CTNNA2: variants seen among roughly 807,000 people sequenced by gnomAD.
CTNNA2 encodes the protein catenin alpha-2.
In CTNNA2, 42 loss-of-function variants were observed where a neutral mutation model predicts 101.0. The observed-to-expected ratio is 0.42, with a 90% CI of 0.32 to 0.54. The LOEUF (loss-of-function observed/expected upper bound fraction) is 0.54, where lower values mean the gene tolerates loss of function less well. Among genes scored for constraint, CTNNA2 ranks in the 20% least tolerant of loss-of-function variants. The probability of loss-of-function intolerance (pLI) is 0.14; values close to 1 mark genes in which losing one functional copy is unlikely to be tolerated. For synonymous variants in CTNNA2, 450 were observed against 456.4 expected (o/e 0.99, Z 0.18); for missense variants, 871 against 1,223.1 (o/e 0.71, Z 4.29).
At chr2:79,844,034 GA>G (rs1312460329) in intron 3 of CTNNA2, among the ~76,000 whole-genome samples, 20 of 152,166 alleles carry the variant, frequency 1.3e-4, no homozygotes, top group Non-Finnish European at 2.9e-4. Flanking sequence ...AATTTGTAGT[GA>G]AAAATATATT....
chr2:79,446,369 A>G (rs1353473568), intron 4 of CTNNA2, among the ~76,000 whole-genome samples: 1 of 152,116 alleles, frequency 6.6e-6, no homozygotes, highest in Non-Finnish European at 1.5e-5. Flanking sequence ...TTGTTTTACC[A>G]GTATTTAGAA....
chr2:80,434,184 C>T (rs771145184), intron 9 of CTNNA2, among the ~76,000 whole-genome samples: 4 of 152,114 alleles, frequency 2.6e-5, no homozygotes, highest in African/African-American at 4.8e-5. Flanking sequence ...AGAACTTTAG[C>T]GTGAAATGAC....
chr2:79,424,301 G>GA (rs949525701), intron 4 of CTNNA2, among the ~76,000 whole-genome samples: 10 of 152,052 alleles, frequency 6.6e-5, no homozygotes, highest in African/African-American at 1.9e-4. Flanking sequence ...GTTTTCTTCA[G>GA]AAAAAACATT....
At chr2:80,568,855 G>T (rs1694302131) in intron 12 of CTNNA2, among the ~76,000 whole-genome samples, 1 of 152,320 alleles carries the variant, frequency 6.6e-6, no homozygotes, top group South Asian at 2.1e-4. Flanking sequence ...TTGAGAATAT[G>T]TGGTAATAAG....
At chr2:79,409,844 A>T (rs200734747) in intron 4 of CTNNA2, among the ~76,000 whole-genome samples, 467 of 116,606 alleles carry the variant, frequency 4.0e-3, no homozygotes, top group South Asian at 0.011. Context: ...GAAGAAAGTC[A>T]TTGGTAGCTT....
intron 5 of CTNNA2, among the ~76,000 whole-genome samples, chr2:79,872,302 A>G (rs1051193130): frequency 1.2e-4 from 18 of 152,084 alleles, no homozygotes; most frequent in African/African-American, 4.1e-4. Context: ...TATGATTAAA[A>G]CATGTTTCTT....
chr2:80,285,579 G>A (rs1674695549), intron 7 of CTNNA2, among the ~76,000 whole-genome samples: 1 of 152,058 alleles, frequency 6.6e-6, no homozygotes, highest in African/African-American at 2.4e-5. Flanking sequence ...CATAGTCTGG[G>A]GACCAAGTCA....
chr2:80,541,742 G>A (rs1223110677), intron 9 of CTNNA2, among the ~76,000 whole-genome samples: 3 of 151,626 alleles, frequency 2.0e-5, no homozygotes, highest in African/African-American at 7.3e-5. Flanking sequence ...TGCTCAGGTA[G>A]GTACCCTCTA....
chr2:79,508,214 C>A (rs1671455691), upstream of CTNNA2, among the ~76,000 whole-genome samples: 1 of 152,098 alleles, frequency 6.6e-6, no homozygotes, highest in Non-Finnish European at 1.5e-5. Flanking sequence ...ACTAGCTTAG[C>A]CTCATATATA....
chr2:79,338,594 T>A (rs551664343), intron 3 of CTNNA2, among the ~76,000 whole-genome samples: 7 of 142,166 alleles, frequency 4.9e-5, no homozygotes, highest in African/African-American at 2.0e-4. Flanking sequence ...TTCTTCTTCT[T>A]CTTCTTCTTC....
intron 7 of CTNNA2, among the ~76,000 whole-genome samples, chr2:79,954,414 A>G (rs1689085885): frequency 1.3e-5 from 2 of 152,198 alleles, no homozygotes; most frequent in Admixed American, 6.5e-5. Flanking sequence ...TGCAGATCTC[A>G]AATCCAGTCT....
intron 3 of CTNNA2, among the ~76,000 whole-genome samples, chr2:79,315,874 G>A (rs1676484704): frequency 6.6e-6 from 1 of 151,946 alleles, no homozygotes; most frequent in Non-Finnish European, 1.5e-5. Flanking sequence ...ATTCCCACCA[G>A]CAATTCATAA....
At chr2:79,323,330 T>C (rs1478177344) in intron 3 of CTNNA2, among the ~76,000 whole-genome samples, 1 of 152,180 alleles carries the variant, frequency 6.6e-6, no homozygotes, top group Non-Finnish European at 1.5e-5. Flanking sequence ...ATGAGAAAAG[T>C]GCATGGATAA....
At chr2:79,642,497 T>A (rs1227150489) in intron 1 of CTNNA2, among the ~76,000 whole-genome samples, 2 of 152,134 alleles carry the variant, frequency 1.3e-5, no homozygotes, top group Non-Finnish European at 2.9e-5. Context: ...TAAAGAATAG[T>A]GATGGGTGAT....
At chr2:79,848,460 A>G (rs1332803684) in intron 3 of CTNNA2, among the ~76,000 whole-genome samples, 2 of 152,184 alleles carry the variant, frequency 1.3e-5, no homozygotes, top group Admixed American at 1.3e-4. Context: ...GGTCTTTGCA[A>G]GGTTCTCATT....
Position 79,810,758 on chromosome 2 carries a change from A to G in CTNNA2, c.299-47255A>G, listed in dbSNP as rs552608312. The stretch of plus-strand genomic sequence containing the variant: ...TGTTCTCATTTTTCAATTCCCACCT[A>G]TGAGTGAGAACATGCAGTGTTTGGT... On this transcript the variant is annotated intron_variant, in intron 3 of 18. Coordinates refer to ENST00000402739, the MANE Select transcript of CTNNA2 (RefSeq NM_001282597.3). Among the ~76,000 whole-genome samples the G allele has an allele frequency of 2.0e-3, 298 of 151,014 alleles. 1 individual carries two copies. The highest frequency in any genetic ancestry group is 7.0e-3 in the African/African-American group (287 of 41,030).
intron 7 of CTNNA2, among the ~76,000 whole-genome samples, chr2:80,241,221 C>CT (rs141660457): frequency 0.11 from 16,423 of 148,218 alleles, 1,719 homozygotes; most frequent in African/African-American, 0.28. Flanking sequence ...TTATGGAGTC[C>CT]TTTTTTTTTT....
chr2:80,594,475 G>A (rs1696776084), intron 15 of CTNNA2, among the ~76,000 whole-genome samples: 1 of 151,732 alleles, frequency 6.6e-6, no homozygotes, highest in Non-Finnish European at 1.5e-5. Context: ...ACTATTTGTT[G>A]ATAGTGTTCT....
chr2:79,367,707 A>G (rs1444801149), intron 3 of CTNNA2, among the ~76,000 whole-genome samples: 3 of 152,140 alleles, frequency 2.0e-5, no homozygotes, highest in Non-Finnish European at 2.9e-5. Context: ...GGCTTTAGAG[A>G]TGGAGACACC....
Sources: allele counts gnomAD v4.1 joint callset (sites outside exome capture counted in the v4.1 genomes callset), GRCh38; gene constraint gnomAD v4.1.1; transcripts MANE v1.5; gene names NCBI Gene and HGNC (gene_info 2026-07-23, HGNC 2026-07-21).